Variants in TTC29 observed in about 807,000 individuals in gnomAD.
TTC29 encodes the protein tetratricopeptide repeat domain 29, also known as tetratricopeptide repeat protein 29.
Under a neutral mutation model 58.1 loss-of-function variants are expected in TTC29, and 49 were observed. The ratio of observed to expected loss-of-function variants is 0.84; its 90% CI spans 0.67 to 1.07. The LOEUF (loss-of-function observed/expected upper bound fraction) is 1.07, where lower values mean the gene tolerates loss of function less well. Ranked by LOEUF, TTC29 falls within the 50% of genes least tolerant of loss-of-function variation. The probability of loss-of-function intolerance (pLI) is 0.00; values close to 1 mark genes in which losing one functional copy is unlikely to be tolerated. For missense variants in TTC29, 582 were observed against 555.6 expected (o/e 1.05, Z -0.48); for synonymous variants, 209 against 196.8 (o/e 1.06, Z -0.52).
intron 11 of TTC29, among the ~76,000 whole-genome samples, chr4:146,731,048 G>A (rs566239705): frequency 2.0e-5 from 3 of 152,278 alleles, no homozygotes; most frequent in African/African-American, 7.2e-5. Flanking sequence ...ATTGTTGGAG[G>A]TAATGGCTTT....
intron 11 of TTC29, among the ~76,000 whole-genome samples, chr4:146,737,846 C>A (rs1278967058): frequency 6.6e-6 from 1 of 151,942 alleles, no homozygotes; most frequent in Admixed American, 6.5e-5. Flanking sequence ...TTTTTTCCCT[C>A]CCCCCTGATG....
chr4:146,795,209 A>G (rs1173856572), intron 11 of TTC29, among the ~76,000 whole-genome samples: 1 of 152,186 alleles, frequency 6.6e-6, no homozygotes, highest in Non-Finnish European at 1.5e-5. Flanking sequence ...TCATTGCCAC[A>G]GTAGTTCAGA....
intron 10 of TTC29, 144 bp from the exon 11 acceptor site, chr4:146,803,829 G>A: frequency 1.7e-6 from 1 of 605,484 alleles, no homozygotes; most frequent in Non-Finnish European, 2.8e-6. Context: ...TGGCAAGCAG[G>A]CTATTAGGAT....
At chr4:146,795,750 A>G (rs150792769) in intron 11 of TTC29, among the ~76,000 whole-genome samples, 1 of 152,314 alleles carries the variant, frequency 6.6e-6, no homozygotes, top group African/African-American at 2.4e-5. Context: ...AAGAAATCTT[A>G]TGGACCAAGA....
At chr4:146,707,697 T>C in intron 11 of TTC29, 146 bp from the exon 12 acceptor site, 1 of 572,224 alleles carries the variant, frequency 1.7e-6, no homozygotes, top group Non-Finnish European at 3.1e-6. Context: ...GCAGATTGTA[T>C]TGTACAAAGA....
chr4:146,717,961 T>A (rs1743060920), intron 11 of TTC29, among the ~76,000 whole-genome samples: 1 of 152,204 alleles, frequency 6.6e-6, no homozygotes. Flanking sequence ...TATTTTAGAT[T>A]CCAATATAAG....
chr4:146,930,129 A>G (rs1490998007), intron 4 of TTC29, among the ~76,000 whole-genome samples: 1 of 144,842 alleles, frequency 6.9e-6, no homozygotes, highest in Non-Finnish European at 1.5e-5. Context: ...ACACACATAT[A>G]TATCTTGATA....
Position 146,900,311 on chromosome 4 carries a change from C to A in TTC29, c.586+3233G>T, listed in dbSNP as rs1035007112. On this transcript the variant is annotated intron_variant, in intron 6 of 12. Coordinates refer to ENST00000325106, the MANE Select transcript of TTC29 (RefSeq NM_031956.4). Reference sequence around the variant, plus strand: ...CAAAAGTAGTTCCAAAACAAAATAACACACTCTCAAATGATCTCAAAAGCA... The same window carrying A: ...CAAAAGTAGTTCCAAAACAAAATAAAACACTCTCAAATGATCTCAAAAGCA... Among the ~76,000 whole-genome samples, 7 of 152,102 alleles carry A rather than the reference C, an allele frequency of 4.6e-5. No individual in the cohort carries two copies. In the East Asian group the frequency reaches 1.3e-3, roughly 29 times the overall value.
chr4:146,881,262 C>T (rs1008428432), intron 6 of TTC29, among the ~76,000 whole-genome samples: 5 of 152,052 alleles, frequency 3.3e-5, no homozygotes, highest in Non-Finnish European at 7.4e-5. Context: ...GTACATTTGC[C>T]AGTAAAAACA....
At chr4:146,808,698 A>C (rs989258818) in intron 10 of TTC29, among the ~76,000 whole-genome samples, 1 of 152,234 alleles carries the variant, frequency 6.6e-6, no homozygotes, top group Non-Finnish European at 1.5e-5. Context: ...GGACCTCTTC[A>C]AGGAGAACTG....
At chr4:146,880,019 G>C (rs1473151953) in intron 6 of TTC29, among the ~76,000 whole-genome samples, 1 of 152,098 alleles carries the variant, frequency 6.6e-6, no homozygotes, top group African/African-American at 2.4e-5. Context: ...TGAATTAAAG[G>C]CCTGCATGCA....
chr4:146,706,660 A>G lies in TTC29; in HGVS notation c.*498T>C, dbSNP rs1354253709. The G allele has an allele frequency of 1.3e-5, 2 of 152,176 alleles. No individual in the cohort carries two copies. Among genetic ancestry groups the G allele is most frequent in the African/African-American group, 4.8e-5 (2 of 41,454 alleles). 9.4% of individuals were successfully genotyped at this position (152,176 alleles called of 1,614,324 possible). On this transcript the variant is annotated 3_prime_UTR_variant, in exon 13 of 13. Coordinates refer to ENST00000325106, the MANE Select transcript of TTC29 (RefSeq NM_031956.4). ...TAAGTTTTATTATGTGCTATCAGCT[A>G]AAAGTATCATAAAATATACTGTTAC...
rs114221485 is a variant in TTC29 at position 146,930,632 on chromosome 4, T to C, written c.176+6962A>G. Among the ~76,000 whole-genome samples, 1,300 of 152,354 alleles carry C rather than the reference T, an allele frequency of 8.5e-3. 17 individuals are homozygous for C. The highest frequency in any genetic ancestry group is 0.03 in the African/African-American group (1,250 of 41,586). ...CTCAGTAATTTTAAGGATTGTTTTT[T>C]AGCCATAATGGAGACTTGAAAAGGG... On this transcript the variant is annotated intron_variant, in intron 4 of 12. Coordinates refer to ENST00000325106, the MANE Select transcript of TTC29 (RefSeq NM_031956.4).
intron 11 of TTC29, among the ~76,000 whole-genome samples, chr4:146,796,725 T>C (rs1164035585): frequency 2.0e-5 from 3 of 152,216 alleles, no homozygotes; most frequent in South Asian, 2.1e-4. Context: ...TTTATCTGTT[T>C]ATTTATTTTT....
At chr4:146,807,429 C>CA (rs764070171) in intron 10 of TTC29, among the ~76,000 whole-genome samples, 5 of 151,980 alleles carry the variant, frequency 3.3e-5, no homozygotes, top group African/African-American at 7.2e-5. Context: ...AAAAACCCTT[C>CA]AAAAAATCAA....
At chr4:146,855,923 G>GAA (rs1729816864) in intron 8 of TTC29, among the ~76,000 whole-genome samples, 3 of 152,068 alleles carry the variant, frequency 2.0e-5, no homozygotes, top group Admixed American at 1.3e-4. Flanking sequence ...TAGGTGTAAT[G>GAA]CCTCTTCTTC....
At chr4:146,942,555 C>A (rs1459256107) in intron 2 of TTC29, 5 of 1,481,928 alleles carry the variant, frequency 3.4e-6, no homozygotes, top group Non-Finnish European at 2.7e-6. Flanking sequence ...GACACCAAAG[C>A]TCCCCAAACG....
intron 5 of TTC29, among the ~76,000 whole-genome samples, chr4:146,907,456 A>G (rs1733595671): frequency 2.6e-5 from 4 of 152,188 alleles, no homozygotes; most frequent in Admixed American, 2.6e-4. Context: ...ATATCACTGT[A>G]GAATTTTGGG....
chr4:146,919,091 T>C lies in TTC29; in HGVS notation c.177-9842A>G, dbSNP rs1039827245. Among the ~76,000 whole-genome samples, 61 of 151,294 alleles carry C rather than the reference T, an allele frequency of 4.0e-4. 1 individual carries two copies. Among genetic ancestry groups the C allele is most frequent in the African/African-American group, 1.4e-3 (57 of 41,492 alleles). ...AAACTCCTTTGAGAAATTCAAACTTTATACAAAATAATTTGTGTAGAAAAA... is the reference window on the plus strand; with the variant it reads ...AAACTCCTTTGAGAAATTCAAACTTCATACAAAATAATTTGTGTAGAAAAA... On this transcript the variant is annotated intron_variant, in intron 4 of 12. Coordinates refer to ENST00000325106, the MANE Select transcript of TTC29 (RefSeq NM_031956.4).
Sources: gnomAD v4.1 joint callset for allele counts (sites outside exome capture counted in the v4.1 genomes callset) on GRCh38, gnomAD v4.1.1 for gene constraint, MANE v1.5 for transcripts, NCBI Gene and HGNC (gene_info 2026-07-23, HGNC 2026-07-21) for gene names.